The following ZNF850 variants were observed in gnomAD, a reference collection of about 807,000 sequenced individuals.
ZNF850 encodes the protein zinc finger protein 850.
A neutral mutation model predicts 11.9 loss-of-function variants in ZNF850; 2 were observed. That is an observed-to-expected ratio of 0.17 (90% CI 0.07 to 0.53). The LOEUF is 0.53. ZNF850 is among the 20% of genes least tolerant of loss of function. ZNF850 has a pLI of 0.94. For synonymous variants in ZNF850, 381 were observed against 443.0 expected (o/e 0.86, Z 1.76); for missense variants, 1,014 against 1,316.4 (o/e 0.77, Z 3.55).
chr19:36,749,586 G>C lies in ZNF850; in HGVS notation c.1454C>G (p.Ser485Cys). ...ATTGCGTGTTGAGCGAAAAGTAAAA[G>C]ATTTTCCACATTCCTTACAACAATA... ...KPYCCKECGK[S>C]FTFRSTRNRH... The change falls in exon 5 of 5, where the codon TCT becomes TGT. Residue 485 changes from serine (S) to cysteine (C), a missense_variant. By Grantham distance (112) the Ser-to-Cys change is moderately radical. Around this residue, in one of 2 missense-constraint regions of ZNF850, gnomAD observed 835 missense variants for 1,022.0 expected, o/e 0.82. Transcript: ENST00000591344. 3 of 1,548,478 alleles carry C rather than the reference G, an allele frequency of 1.9e-6. No individual in the cohort carries two copies. Among genetic ancestry groups the C allele is most frequent in the Non-Finnish European group, 2.6e-6 (3 of 1,151,848 alleles).
rs542855814 is a variant in ZNF850 at position 36,745,266 on chromosome 19, A to T, written c.*2501T>A. On this transcript the variant is annotated 3_prime_UTR_variant, in exon 5 of 5. Transcript: ENST00000591344. ...CAGATATGTTTTAGAGAAGTGTTAA[A>T]TTTTTTAAACGCAAGTGTAATTTAA... is the stretch of plus-strand genomic sequence containing the variant. 1.3e-5 allele frequency: 2 copies of T among 152,308 alleles called. No homozygotes were observed. The highest frequency in any genetic ancestry group is 6.5e-5 in the Admixed American group (1 of 15,284). 9.4% of individuals were successfully genotyped at this position (152,308 alleles called of 1,614,324 possible).
intron 4 of ZNF850, among the ~76,000 whole-genome samples, chr19:36,760,940 C>CA: frequency 6.6e-6 from 1 of 150,912 alleles, no homozygotes; most frequent in East Asian, 1.9e-4. Context: ...AGACAACACA[C>CA]AAAAAAAGTT....
intron 4 of ZNF850, among the ~76,000 whole-genome samples, chr19:36,756,257 T>C (rs2040485845): frequency 6.6e-6 from 1 of 152,182 alleles, no homozygotes. Context: ...AGATCTCAAC[T>C]ATACTTTCAG....
chr19:36,754,996 A>G (rs2040477108), intron 4 of ZNF850, among the ~76,000 whole-genome samples: 1 of 152,178 alleles, frequency 6.6e-6, no homozygotes, highest in Non-Finnish European at 1.5e-5. Context: ...GCAGCAATTA[A>G]AAGAAAGCAC....
rs758161011 is a variant in ZNF850 at position 36,746,753 on chromosome 19, TG to T, written c.*1013del. On this transcript the variant is annotated 3_prime_UTR_variant, in exon 5 of 5. Coordinates refer to ENST00000591344, the MANE Select transcript of ZNF850 (RefSeq NM_001193552.2). ...CAGCAAGGACTTTCTTAGCCACCTT[TG>T]CAGTTATGGGCTAAAGTAGACAGGG... 6.6e-6 allele frequency: 1 copy of T among 152,214 alleles called. No individual in the cohort carries two copies. The highest frequency in any genetic ancestry group is 1.5e-5 in the Non-Finnish European group (1 of 68,054). The allele number at this position is 152,214 out of a possible 1,614,324, so 9.4% of individuals were successfully genotyped here.
chr19:36,772,548 G>A (rs553249181), intron 1 of ZNF850, among the ~76,000 whole-genome samples, 177 bp downstream of exon 1: 5 of 151,968 alleles, frequency 3.3e-5, no homozygotes, highest in African/African-American at 1.2e-4. Flanking sequence ...GGTCGTCCAG[G>A]ACACACACAC....
At chr19:36,750,971 C>T (rs1334725309) in intron 4 of ZNF850, among the ~76,000 whole-genome samples, 167 bp from the exon 5 acceptor site, 1 of 148,032 alleles carries the variant, frequency 6.8e-6, no homozygotes, top group African/African-American at 2.5e-5. Context: ...GAGTCTGAGA[C>T]AGGAGGATTG....
chr19:36,751,698 CAAAAAAAAAAA>C lies in ZNF850; in HGVS notation c.236-905_236-895del, dbSNP rs398038336. The stretch of plus-strand genomic sequence containing the variant: ...AGGCAACAAAAACCAGACTCCATCT[CAAAAAAAAAAA>C]AAAAAAAAAAAAAAAGCTAAGGAAA... On this transcript the variant is annotated intron_variant, in intron 4 of 4. Transcript: ENST00000591344. Among the ~76,000 whole-genome samples, 25 of 15,772 alleles carry C rather than the reference CAAAAAAAAAAA, an allele frequency of 1.6e-3. No individual in the cohort carries two copies. In the East Asian group the frequency reaches 0.034, roughly 21 times the overall value. The allele number at this position is 15,772 out of a possible 152,430, so 10.3% of individuals were successfully genotyped here.
chr19:36,755,906 C>CTTT (rs5827965), intron 4 of ZNF850, among the ~76,000 whole-genome samples: 23 of 118,066 alleles, frequency 1.9e-4, no homozygotes, highest in African/African-American at 2.8e-4. Context: ...AGTTTTTAGC[C>CTTT]TTTTTTTTTT....
chr19:36,772,038 C>G (rs1238937914), intron 1 of ZNF850, among the ~76,000 whole-genome samples: 2 of 152,152 alleles, frequency 1.3e-5, no homozygotes, highest in Non-Finnish European at 2.9e-5. Context: ...CCTTCAAAAT[C>G]TAACAGAGCC....
intron 1 of ZNF850, among the ~76,000 whole-genome samples, chr19:36,765,957 C>T (rs2145968439): frequency 6.6e-6 from 1 of 152,070 alleles, no homozygotes; most frequent in Non-Finnish European, 1.5e-5. Context: ...GAGGTGATCA[C>T]AGCTCACTGC....
Position 36,747,312 on chromosome 19 carries a change from G to GAATAATATGAATAATATGAATAATATGAA in ZNF850, c.*454_*455insTTCATATTATTCATATTATTCATATTATT, listed in dbSNP as rs1173519046. ...TGACCACATTCTCTAATATGAATTT[G>GAATAATATGAATAATATGAATAATATGAA]TATAACTTCAATAAGCTTTGAATCA... is the stretch of plus-strand genomic sequence containing the variant. On this transcript the variant is annotated 3_prime_UTR_variant, in exon 5 of 5. Coordinates refer to ENST00000591344, the MANE Select transcript of ZNF850 (RefSeq NM_001193552.2). 1.3e-5 allele frequency: 2 copies of GAATAATATGAATAATATGAATAATATGAA among 154,882 alleles called. No homozygotes were observed. The highest frequency in any genetic ancestry group is 2.4e-5 in the African/African-American group (1 of 41,464). 9.6% of individuals were successfully genotyped at this position (154,882 alleles called of 1,614,324 possible).
chr19:36,770,703 CAAAAAAAAAAAA>C (rs567709722), intron 1 of ZNF850, among the ~76,000 whole-genome samples: 373 of 66,512 alleles, frequency 5.6e-3, no homozygotes, highest in Middle Eastern at 0.018. Context: ...GAGACTCCAT[CAAAAAAAAAAAA>C]AAAAAAAAAA....
Position 36,749,131 on chromosome 19 carries a change from G to A in ZNF850, c.1909C>T (p.Gln637Ter). The stretch of plus-strand genomic sequence containing the variant: ...TAAGGTTTCTCACCAGTATGGATTT[G>A]TTGATGTTGAGTAAGTCGTAAACGA... ...RLRLRLTQHQQIHTGEKPYQC... is the reference protein window; with the variant it reads ...RLRLRLTQHQ The change falls in exon 5 of 5, where the codon CAA (glutamine) becomes TAA (stop). Residue 637 changes from glutamine (Q) to a stop codon, truncating the protein, a stop_gained. Transcript: ENST00000591344. LOFTEE classifies it low-confidence loss of function (END_TRUNC). 1.2e-6 allele frequency: 2 copies of A among 1,602,544 alleles called. No individual in the cohort carries two copies. Among genetic ancestry groups the A allele is most frequent in the Non-Finnish European group, 1.7e-6 (2 of 1,176,264 alleles).
At chr19:36,763,336 T>A (rs751107188) in intron 1 of ZNF850, among the ~76,000 whole-genome samples, 58 of 150,788 alleles carry the variant, frequency 3.8e-4, no homozygotes, top group Non-Finnish European at 6.9e-4. Context: ...AGGTCGGGAG[T>A]TTGAGACCAG....
intron 3 of ZNF850, 21 bp from the exon 4 acceptor site, chr19:36,761,759 A>G (rs753591293): frequency 3.5e-6 from 5 of 1,432,196 alleles, no homozygotes; most frequent in Admixed American, 4.0e-5. Flanking sequence ...GAAAAGAAGT[A>G]AGATAGCCAG....
rs1419147501 is a variant in ZNF850 at position 36,749,792 on chromosome 19, A to G, written c.1248T>C (p.Thr416=). Residue 416 remains threonine (T), a synonymous_variant, in exon 5 of 5, where the codon ACT becomes ACC. Coordinates refer to ENST00000591344, the MANE Select transcript of ZNF850 (RefSeq NM_001193552.2). ...SGLIGHQAIH[T]GEKPYDCKEC... ...CTTTACAATCATAGGGTTTCTCACC[A>G]GTGTGAATTGCCTGGTGTCCAATTA... is the stretch of plus-strand genomic sequence containing the variant. The G allele has an allele frequency of 2.6e-6, 4 of 1,559,142 alleles. No individual in the cohort carries two copies.
Position 36,749,969 on chromosome 19 carries a change from T to C in ZNF850, c.1071A>G (p.Arg357=). 6.4e-7 allele frequency: 1 copy of C among 1,564,532 alleles called. No individual in the cohort carries two copies. Among genetic ancestry groups the C allele is most frequent in the Non-Finnish European group, 8.6e-7 (1 of 1,157,590 alleles). The change falls in exon 5 of 5, where the codon CGA becomes CGG. Residue 357 remains arginine (R), a synonymous_variant. Coordinates refer to ENST00000591344, the MANE Select transcript of ZNF850 (RefSeq NM_001193552.2). ...ASGSALIRHQ[R]IHTGEKPYDC... is the part of the protein sequence containing the mutation. ...CATAGGGTTTCTCACCAGTGTGAAT[T>C]CGCTGATGTCGAATTAGTGCTGAGC...
In ZNF850 at chr19:36,749,949, G is replaced by C. The variant is rs2040441863; in HGVS notation, c.1091C>G (p.Pro364Arg). 2 of 1,569,590 alleles carry C rather than the reference G, an allele frequency of 1.3e-6. No individual in the cohort carries two copies. Among genetic ancestry groups the C allele is most frequent in the East Asian group, 4.7e-5 (2 of 42,612 alleles). ...RHQRIHTGEK[P>R]YDCKECGKSF... ...TTTTCCACATTCCTTACAGTCATAG[G>C]GTTTCTCACCAGTGTGAATTCGCTG... The change falls in exon 5 of 5, where the codon CCC becomes CGC. Residue 364 changes from proline (P) to arginine (R), a missense_variant. By Grantham distance (103) the Pro-to-Arg change is moderately radical. Transcript: ENST00000591344.
Sources: gnomAD v4.1 joint callset for allele counts (sites outside exome capture counted in the v4.1 genomes callset) on GRCh38, gnomAD v4.1.1 for gene constraint, gnomAD v4.1.1 regional missense constraint, MANE v1.5 for transcripts, NCBI Gene and HGNC (gene_info 2026-07-23, HGNC 2026-07-21) for gene names.